TWSG1: variants seen among roughly 807,000 people sequenced by gnomAD.
TWSG1 encodes twisted gastrulation protein homolog 1.
TWSG1 carries 15 observed loss-of-function variants against 23.0 expected under a neutral mutation model. The observed-to-expected ratio is 0.65, with a 90% CI of 0.44 to 1.00. The LOEUF is 1.00. Among genes scored for constraint, TWSG1 ranks in the 50% least tolerant of loss-of-function variants. The pLI is 0.00. For missense variants in TWSG1, 242 were observed against 278.7 expected (o/e 0.87, Z 0.94); for synonymous variants, 86 against 92.8 (o/e 0.93, Z 0.42).
At chr18:9,362,743 A>G (rs1438524528) in intron 3 of TWSG1, among the ~76,000 whole-genome samples, 1 of 152,202 alleles carries the variant, frequency 6.6e-6, no homozygotes, top group African/African-American at 2.4e-5. Context: ...CTGAGAAAGA[A>G]TAATTATACA....
At chr18:9,383,039 TA>T (rs1316048182) in intron 3 of TWSG1, among the ~76,000 whole-genome samples, 1 of 151,978 alleles carries the variant, frequency 6.6e-6, no homozygotes, top group Non-Finnish European at 1.5e-5. Context: ...TAGATGTTTG[TA>T]AATAAGGAGA....
intron 3 of TWSG1, 58 bp downstream of exon 3, chr18:9,360,129 A>G: frequency 1.5e-6 from 2 of 1,359,264 alleles, no homozygotes; most frequent in Non-Finnish European, 2.1e-6. Flanking sequence ...CCTTGGCTTT[A>G]AGAGACTTTA....
intron 3 of TWSG1, among the ~76,000 whole-genome samples, chr18:9,387,401 G>A (rs1277913012): frequency 6.6e-6 from 1 of 152,028 alleles, no homozygotes; most frequent in South Asian, 2.1e-4. Flanking sequence ...TATCCCTCAC[G>A]CAGGTTCAGC....
rs2040765753 is a variant in TWSG1, at chr18:9,402,231, T to A, written c.*2704T>A. On this transcript the variant is annotated 3_prime_UTR_variant, in exon 5 of 5. Coordinates refer to ENST00000262120, the MANE Select transcript of TWSG1 (RefSeq NM_020648.6). ...GAGAAAAGAAAGTTTTCTGAAAAAA[T>A]GCAGTAAATATAAGCCACATTTCTA... 6.6e-6 allele frequency: 1 copy of A among 152,148 alleles called. No individual in the cohort carries two copies. Among genetic ancestry groups the A allele is most frequent in the Admixed American group, 6.6e-5 (1 of 15,260 alleles). The allele number at this position is 152,148 out of a possible 1,614,324, so 9.4% of individuals were successfully genotyped here.
At chr18:9,379,584 T>C (rs1186275960) in intron 3 of TWSG1, among the ~76,000 whole-genome samples, 2 of 152,118 alleles carry the variant, frequency 1.3e-5, no homozygotes, top group African/African-American at 2.4e-5. Context: ...ATTCAGGTGA[T>C]GAAATAACCT....
intron 2 of TWSG1, among the ~76,000 whole-genome samples, chr18:9,339,332 A>T (rs577485575): frequency 2.6e-5 from 4 of 152,234 alleles, no homozygotes; most frequent in African/African-American, 9.6e-5. Context: ...CTCTTTAAAA[A>T]TTTTTTGGCT....
rs1370583553 is a variant in TWSG1, at chr18:9,401,117, T to C, written c.*1590T>C. ...CTCTTTCAAATAACTCTAATGAATA[T>C]TCAAGATATTTTAGCCTTTTAAAAA... On this transcript the variant is annotated 3_prime_UTR_variant, in exon 5 of 5. Transcript: ENST00000262120. 6.6e-6 allele frequency: 1 copy of C among 152,238 alleles called. No individual in the cohort carries two copies. The highest frequency in any genetic ancestry group is 6.5e-5 in the Admixed American group (1 of 15,286). The allele number at this position is 152,238 out of a possible 1,614,324, so 9.4% of individuals were successfully genotyped here. A position where few individuals can be genotyped will look rare whatever the true frequency, so the allele number is the denominator to read the frequency against.
At chr18:9,344,517 G>GTGTGTGTGTATGTGTA (rs1555650744) in intron 2 of TWSG1, among the ~76,000 whole-genome samples, 5 of 105,760 alleles carry the variant, frequency 4.7e-5, no homozygotes, top group Non-Finnish European at 9.1e-5. Context: ...GTGTGTGTGT[G>GTGTGTGTGTATGTGTA]TGTGTATGTA....
At chr18:9,384,216 T>C (rs6506662) in intron 3 of TWSG1, among the ~76,000 whole-genome samples, 150,685 of 152,286 alleles carry the variant, frequency 0.99, 74,585 homozygotes, top group Middle Eastern at 1. Flanking sequence ...GGAATAACCT[T>C]TAGGCTTCTG....
Position 9,399,529 on chromosome 18 carries a change from G to A in TWSG1, c.*2G>A. 6.3e-7 allele frequency: 1 copy of A among 1,596,746 alleles called. No individual in the cohort carries two copies. The highest frequency in any genetic ancestry group is 8.5e-7 in the Non-Finnish European group (1 of 1,173,980). The stretch of plus-strand genomic sequence containing the variant: ...AAATGTATGAACTGCATGTTTTAAA[G>A]AAGACAAATGCAAACCAAAGCAACT... On this transcript the variant is annotated 3_prime_UTR_variant, in exon 5 of 5. Transcript: ENST00000262120.
chr18:9,390,553 TCC>T (rs1263961635), intron 3 of TWSG1, among the ~76,000 whole-genome samples: 1 of 152,012 alleles, frequency 6.6e-6, no homozygotes, highest in African/African-American at 2.4e-5. Context: ...CCAGCCTTAG[TCC>T]CCCAAAGTGC....
At chr18:9,381,884 C>T (rs537416674) in intron 3 of TWSG1, among the ~76,000 whole-genome samples, 8 of 152,158 alleles carry the variant, frequency 5.3e-5, no homozygotes, top group African/African-American at 1.7e-4. Flanking sequence ...AGCATCCATA[C>T]GGAAAACCAG....
At chr18:9,361,928 G>T (rs2040554524) in intron 3 of TWSG1, among the ~76,000 whole-genome samples, 1 of 152,166 alleles carries the variant, frequency 6.6e-6, no homozygotes, top group South Asian at 2.1e-4. Context: ...AGGGTTCTGT[G>T]GGGTGCATGG....
intron 3 of TWSG1, 81 bp downstream of exon 3, chr18:9,360,152 G>T: frequency 9.2e-7 from 1 of 1,092,354 alleles, no homozygotes; most frequent in Non-Finnish European, 1.4e-6. Context: ...GAATATAAAT[G>T]TAGTTTATGT....
intron 3 of TWSG1, among the ~76,000 whole-genome samples, chr18:9,369,291 C>G (rs1555651859): frequency 7.2e-5 from 11 of 151,970 alleles, no homozygotes; most frequent in Non-Finnish European, 1.5e-5. Context: ...TCTTTTGAGT[C>G]AGAGTCTTGC....
intron 2 of TWSG1, among the ~76,000 whole-genome samples, chr18:9,339,819 A>G (rs2040438119): frequency 6.6e-6 from 1 of 152,038 alleles, no homozygotes; most frequent in Non-Finnish European, 1.5e-5. Flanking sequence ...AAAAATTGTA[A>G]AAAAACAAAA....
At chr18:9,358,342 A>G (rs1044242545) in intron 2 of TWSG1, among the ~76,000 whole-genome samples, 3 of 152,168 alleles carry the variant, frequency 2.0e-5, no homozygotes, top group Admixed American at 6.5e-5. Flanking sequence ...GAGATTGACA[A>G]TTATCTGTGT....
chr18:9,379,542 C>T (rs2040646729), intron 3 of TWSG1, among the ~76,000 whole-genome samples: 1 of 151,716 alleles, frequency 6.6e-6, no homozygotes, highest in South Asian at 2.1e-4. Flanking sequence ...GGGAGAGGTT[C>T]AGAAAAAAAA....
At chr18:9,335,792 C>T (rs1035391522) in intron 1 of TWSG1, among the ~76,000 whole-genome samples, 3 of 152,158 alleles carry the variant, frequency 2.0e-5, no homozygotes, top group African/African-American at 7.2e-5. Flanking sequence ...ATTCTTTTCA[C>T]CCTTTTATTA....
Sources: allele counts gnomAD v4.1 joint callset (sites outside exome capture counted in the v4.1 genomes callset), GRCh38; gene constraint gnomAD v4.1.1; transcripts MANE v1.5; gene names NCBI Gene and HGNC (gene_info 2026-07-23, HGNC 2026-07-21).